MIS18BP1: variants seen among roughly 807,000 people sequenced by gnomAD.
MIS18BP1 encodes the protein MIS18 binding protein 1.
In MIS18BP1, 72 loss-of-function variants were observed where a neutral mutation model predicts 116.1. The observed-to-expected ratio is 0.62, with a 90% confidence interval of 0.51 to 0.75. The LOEUF (loss-of-function observed/expected upper bound fraction) is 0.75. Ranked by LOEUF, MIS18BP1 falls within the 30% of genes least tolerant of loss-of-function variation. The probability of loss-of-function intolerance (pLI) is 0.00; values close to 1 mark genes in which losing one functional copy is unlikely to be tolerated. For missense variants in MIS18BP1, 1,363 were observed against 1,303.2 expected (o/e 1.05, Z -0.71); for synonymous variants, 386 against 427.0 (o/e 0.90, Z 1.18).
intron 2 of MIS18BP1, 97 bp downstream of exon 2, chr14:45,246,646 C>T: frequency 1.8e-6 from 2 of 1,124,720 alleles, no homozygotes; most frequent in Admixed American, 5.8e-5. Context: ...GATTTTTGTC[C>T]ATTTTGTTCA....
chr14:45,219,018 T>C (rs983510242), intron 11 of MIS18BP1, among the ~76,000 whole-genome samples: 3 of 152,118 alleles, frequency 2.0e-5, no homozygotes, highest in African/African-American at 4.8e-5. Context: ...TAATTTAACA[T>C]CTGAGTTGCA....
At chr14:45,222,343 G>A (rs953242914) in intron 11 of MIS18BP1, among the ~76,000 whole-genome samples, 2 of 151,942 alleles carry the variant, frequency 1.3e-5, no homozygotes, top group African/African-American at 4.8e-5. Flanking sequence ...TGATTTTCCA[G>A]TATTTTAATT....
At chr14:45,225,584 C>A (rs1287004047) in intron 10 of MIS18BP1, among the ~76,000 whole-genome samples, 2 of 152,166 alleles carry the variant, frequency 1.3e-5, no homozygotes, top group Admixed American at 6.5e-5. Flanking sequence ...GTTCCACTTT[C>A]ATTGCCAATG....
At chr14:45,239,197 G>C (rs1434654287) in intron 4 of MIS18BP1, among the ~76,000 whole-genome samples, 1 of 152,150 alleles carries the variant, frequency 6.6e-6, no homozygotes, top group Non-Finnish European at 1.5e-5. Context: ...TGGAGATTGA[G>C]TGAGAAAGTA....
In MIS18BP1 at chr14:45,253,185, C is replaced by T. The variant is rs1338120643; in HGVS notation, c.-242G>A. 1.3e-5 allele frequency: 2 copies of T among 152,302 alleles called. No individual in the cohort carries two copies. The highest frequency in any genetic ancestry group is 4.8e-5 in the African/African-American group (2 of 41,472). 9.4% of individuals were successfully genotyped at this position (152,302 alleles called of 1,614,324 possible). A position where few individuals can be genotyped will look rare whatever the true frequency, so the allele number is the denominator to read the frequency against. On this transcript the variant is annotated 5_prime_UTR_variant, in exon 1 of 17. Transcript: ENST00000310806. Reference sequence around the variant, plus strand: ...CGCCAAGCGACGCTTACCTCCTCCGCGACGTTCTCTAACACACAAAACACT... The same window carrying T: ...CGCCAAGCGACGCTTACCTCCTCCGTGACGTTCTCTAACACACAAAACACT...
intron 8 of MIS18BP1, among the ~76,000 whole-genome samples, chr14:45,229,554 T>G (rs1594515486): frequency 6.6e-6 from 1 of 152,100 alleles, no homozygotes. Context: ...ACAGCTGGTA[T>G]GTAAAATAGT....
chr14:45,249,250 C>T (rs974036449), intron 1 of MIS18BP1, among the ~76,000 whole-genome samples: 2 of 152,116 alleles, frequency 1.3e-5, no homozygotes, highest in Non-Finnish European at 2.9e-5. Flanking sequence ...TGCCACCCCA[C>T]CCGGCTAATT....
intron 4 of MIS18BP1, 128 bp downstream of exon 4, chr14:45,241,906 T>G: frequency 1.0e-6 from 1 of 988,492 alleles, no homozygotes; most frequent in Non-Finnish European, 1.5e-6. Flanking sequence ...ATGAAGACAC[T>G]GTTAATAATG....
intron 2 of MIS18BP1, among the ~76,000 whole-genome samples, chr14:45,244,760 T>A (rs898771026): frequency 2.6e-5 from 4 of 152,266 alleles, no homozygotes; most frequent in Non-Finnish European, 5.9e-5. Context: ...GTTTTCCATA[T>A]TGCTCAGCTG....
chr14:45,225,229 C>T (rs1452811078), intron 10 of MIS18BP1, among the ~76,000 whole-genome samples: 3 of 152,192 alleles, frequency 2.0e-5, no homozygotes, highest in South Asian at 2.1e-4. Context: ...CAAACTTGTA[C>T]ACATTCCCTA....
intron 9 of MIS18BP1, among the ~76,000 whole-genome samples, chr14:45,227,085 A>T (rs952336803): frequency 6.6e-6 from 1 of 152,234 alleles, no homozygotes; most frequent in East Asian, 1.9e-4. Context: ...GCTTTTAAAA[A>T]TATGCTTTAT....
At chr14:45,245,260 A>C (rs1346852392) in intron 2 of MIS18BP1, among the ~76,000 whole-genome samples, 1 of 151,654 alleles carries the variant, frequency 6.6e-6, no homozygotes, top group Non-Finnish European at 1.5e-5. Flanking sequence ...ACAGCTGTCA[A>C]CTCCCACCTT....
chr14:45,206,270 T>A, intron 14 of MIS18BP1, 100 bp from the exon 15 acceptor site: 1 of 745,026 alleles, frequency 1.3e-6, no homozygotes, highest in South Asian at 1.8e-5. Context: ...TGAACAACAA[T>A]TGCCTAAATT....
chr14:45,245,569 G>T (rs1018335588), intron 2 of MIS18BP1, among the ~76,000 whole-genome samples: 1 of 152,006 alleles, frequency 6.6e-6, no homozygotes, highest in Non-Finnish European at 1.5e-5. Flanking sequence ...TCTCCACATT[G>T]GTCAGGCTGG....
chr14:45,214,871 C>CTGTA (rs1247209828), intron 13 of MIS18BP1, among the ~76,000 whole-genome samples: 3 of 152,206 alleles, frequency 2.0e-5, no homozygotes, highest in Non-Finnish European at 4.4e-5. Flanking sequence ...CTCACCTCAG[C>CTGTA]ATCCCCAGTA....
intron 8 of MIS18BP1, among the ~76,000 whole-genome samples, chr14:45,229,194 G>C (rs1176714058): frequency 6.6e-6 from 1 of 151,960 alleles, no homozygotes; most frequent in Non-Finnish European, 1.5e-5. Context: ...AATAGACCAG[G>C]GTTCATGGAA....
chr14:45,234,134 A>G (rs1314283105), intron 6 of MIS18BP1, among the ~76,000 whole-genome samples: 3 of 152,146 alleles, frequency 2.0e-5, no homozygotes, highest in African/African-American at 7.2e-5. Flanking sequence ...AACTCTGTTC[A>G]AAGTGTATAC....
chr14:45,247,214 G>A lies in MIS18BP1; in HGVS notation c.73C>T (p.Pro25Ser). ...PEASSQRRNL[P>S]MDAIFFDSIP... ...CTGTCAAAAAAGATTGCATCCATGG[G>A]TAGATTTCTCCTTTGAGAAGATGCC... Residue 25 changes from proline (P) to serine (S), a missense_variant, in exon 2 of 17, where the codon CCC becomes TCC. Coordinates refer to ENST00000310806, the MANE Select transcript of MIS18BP1 (RefSeq NM_018353.5). The A allele has an allele frequency of 6.2e-7, 1 of 1,612,200 alleles. No homozygotes were observed. Among genetic ancestry groups the A allele is most frequent in the Non-Finnish European group, 8.5e-7 (1 of 1,179,712 alleles).
intron 8 of MIS18BP1, among the ~76,000 whole-genome samples, chr14:45,230,092 G>C (rs377139026): frequency 1.3e-5 from 2 of 152,216 alleles, no homozygotes; most frequent in South Asian, 2.1e-4. Flanking sequence ...ATGGTGCTAT[G>C]TTTTTGGCAG....
Sources: gnomAD v4.1 joint callset for allele counts (sites outside exome capture counted in the v4.1 genomes callset) on GRCh38, gnomAD v4.1.1 for gene constraint, MANE v1.5 for transcripts, NCBI Gene and HGNC (gene_info 2026-07-23, HGNC 2026-07-21) for gene names.